The following TMEM255A variants were observed in gnomAD, a reference collection of about 807,000 sequenced individuals.
The protein encoded by TMEM255A is family with sequence similarity 70, member A.
Under a neutral mutation model 23.5 loss-of-function variants are expected in TMEM255A, and 14 were observed. The observed-to-expected ratio is 0.60, with a 90% CI of 0.39 to 0.93. The LOEUF (loss-of-function observed/expected upper bound fraction) is 0.93, where lower values mean the gene tolerates loss of function less well. TMEM255A is among the 40% of genes least tolerant of loss of function. The pLI is 0.00. For missense variants in TMEM255A, 233 were observed against 261.7 expected, an observed-to-expected ratio of 0.89 and a Z score of 0.76; for synonymous variants, 104 against 100.3, an observed-to-expected ratio of 1.04 and a Z score of -0.22.
At chrX:120,294,489 CA>C (rs1294132047) in intron 2 of TMEM255A, among the ~76,000 whole-genome samples, 1 of 110,232 alleles carries the variant, frequency 9.1e-6, no homozygotes, top group African/African-American at 3.3e-5. Flanking sequence ...GTTACTTACA[CA>C]AATACAGCAT....
At chrX:120,279,998 C>CTTTTTTTTTT (rs59428362) in intron 6 of TMEM255A, among the ~76,000 whole-genome samples, 52 of 38,197 alleles carry the variant, frequency 1.4e-3, no homozygotes, top group African/African-American at 2.8e-3. Flanking sequence ...CCTTTTCTTT[C>CTTTTTTTTTT]TTTTTTTTTT....
chrX:120,276,856 G>A (rs1556019872), intron 7 of TMEM255A, 29 bp downstream of exon 7: 1 of 1,199,014 alleles, frequency 8.3e-7, no homozygotes, highest in Non-Finnish European at 1.1e-6. Flanking sequence ...AGGGGCCACT[G>A]TGAAATGCAA....
intron 4 of TMEM255A, among the ~76,000 whole-genome samples, chrX:120,289,505 A>G (rs782347184): frequency 3.6e-5 from 4 of 112,179 alleles, no homozygotes; most frequent in Non-Finnish European, 7.5e-5. Context: ...GCTGGAATCA[A>G]AAAGTCAGAT....
downstream of TMEM255A, chrX:120,254,494 A>G: frequency 2.5e-6 from 3 of 1,211,950 alleles, no homozygotes; most frequent in Non-Finnish European, 2.2e-6. Flanking sequence ...CCACAGGCTG[A>G]TACCTCCCAA....
intron 1 of TMEM255A, among the ~76,000 whole-genome samples, chrX:120,307,000 G>T (rs1211756043): frequency 8.9e-6 from 1 of 112,270 alleles, no homozygotes; most frequent in Non-Finnish European, 1.9e-5. Context: ...AAAACTCTCT[G>T]ATCACCAGGT....
At chrX:120,279,998 C>CTTTTTTTTTTTTTTTTTTT (rs59428362) in intron 6 of TMEM255A, among the ~76,000 whole-genome samples, 7 of 38,226 alleles carry the variant, frequency 1.8e-4, no homozygotes, top group African/African-American at 3.3e-4. Flanking sequence ...CCTTTTCTTT[C>CTTTTTTTTTTTTTTTTTTT]TTTTTTTTTT....
At chrX:120,301,600 C>T (rs1479416799) in intron 2 of TMEM255A, among the ~76,000 whole-genome samples, 1 of 109,567 alleles carries the variant, frequency 9.1e-6, no homozygotes, top group African/African-American at 3.3e-5. Context: ...GGATTCTTTC[C>T]CCTCAGGTGG....
chrX:120,284,667 A>G (rs893217189), intron 6 of TMEM255A, among the ~76,000 whole-genome samples: 5 of 111,520 alleles, frequency 4.5e-5, no homozygotes, highest in Non-Finnish European at 9.4e-5. Context: ...CTACTAGAAT[A>G]TAAGCTCCAC....
downstream of TMEM255A, chrX:120,258,158 A>G (rs146524049): frequency 0.055 from 6,825 of 123,159 alleles, 207 homozygotes; most frequent in Non-Finnish European, 0.075. Flanking sequence ...AATGGTAAAC[A>G]CTGATCAAGG....
rs138279635 is a variant in TMEM255A, at chrX:120,260,930, C to T, written c.918G>A (p.Pro306=). ...SPSYMWSSSA[P]PRYSPPYYPP... is the part of the protein sequence containing the mutation. ...GATAGTAGGGTGGAGAGTAACGGGG[C>T]GGTGCACTTGAGGACCACATGTAGC... Residue 306 remains proline, a synonymous_variant, in exon 9 of 9, where the codon CCG becomes CCA. Coordinates refer to ENST00000371369, the MANE Select transcript of TMEM255A (RefSeq NM_001104544.3). The T allele has an allele frequency of 5.8e-5, 70 of 1,197,403 alleles. No homozygotes were observed. Among genetic ancestry groups the T allele is most frequent in the African/African-American group, 2.0e-4 (11 of 56,073 alleles).
rs782139212 is a variant in TMEM255A at position 120,268,171 on chromosome X, A to G, written c.819+73T>C. ...GACAATGGAAAGGTTCCATAATTGA[A>G]TTTAGGGAGAGAACAAGAGAGCATG... On this transcript the variant is annotated intron_variant, in intron 8 of 8. Coordinates refer to ENST00000371369, the MANE Select transcript of TMEM255A (RefSeq NM_001104544.3). 57 of 1,068,216 alleles carry G rather than the reference A, an allele frequency of 5.3e-5. No individual in the cohort carries two copies. In the South Asian group the frequency reaches 1.3e-3, roughly 24 times the overall value. The allele number at this position is 1,068,216 out of a possible 1,213,427, so 88.0% of individuals were successfully genotyped here. A position where few individuals can be genotyped will look rare whatever the true frequency, so the allele number is the denominator to read the frequency against.
intron 1 of TMEM255A, among the ~76,000 whole-genome samples, chrX:120,307,076 T>C (rs782054945): frequency 1.1e-4 from 12 of 112,407 alleles, no homozygotes; most frequent in Admixed American, 7.5e-4. Flanking sequence ...ATAAGGACCA[T>C]AATTGTGTAA....
intron 1 of TMEM255A, among the ~76,000 whole-genome samples, chrX:120,305,142 G>A (rs1306835667): frequency 1.8e-5 from 2 of 110,851 alleles, no homozygotes; most frequent in Non-Finnish European, 3.8e-5. Flanking sequence ...TAGGTGGGGA[G>A]GATTATAACT....
rs2057671020 is a variant in TMEM255A at position 120,260,574 on chromosome X, C to T, written c.*296G>A. On this transcript the variant is annotated 3_prime_UTR_variant, in exon 9 of 9. Transcript: ENST00000371369. ...AGTGAAAAAGATGGCAACCACACTT[C>T]TGCTGAATACAGAGGTGGAGCATAG... 4 of 225,972 alleles carry T rather than the reference C, an allele frequency of 1.8e-5. No individual in the cohort carries two copies. The highest frequency in any genetic ancestry group is 7.2e-5 in the Admixed American group (1 of 13,935). 18.6% of individuals were successfully genotyped at this position (225,972 alleles called of 1,213,427 possible). A position where few individuals can be genotyped will look rare whatever the true frequency, so the allele number is the denominator to read the frequency against.
chrX:120,304,610 T>G, intron 1 of TMEM255A, 119 bp from the exon 2 acceptor site: 3 of 743,832 alleles, frequency 4.0e-6, no homozygotes, highest in Non-Finnish European at 6.0e-6. Flanking sequence ...AAGTTATCTT[T>G]GGTGGTGACG....
chrX:120,260,564 A>C lies in TMEM255A; in HGVS notation c.*306T>G, dbSNP rs951824533. On this transcript the variant is annotated 3_prime_UTR_variant, in exon 9 of 9. Coordinates refer to ENST00000371369, the MANE Select transcript of TMEM255A (RefSeq NM_001104544.3). ...CTTTACATAAAGTGAAAAAGATGGC[A>C]ACCACACTTCTGCTGAATACAGAGG... The C allele has an allele frequency of 4.8e-6, 1 of 206,522 alleles. No individual in the cohort carries two copies. The highest frequency in any genetic ancestry group is 8.6e-6 in the Non-Finnish European group (1 of 115,875). 17.0% of individuals were successfully genotyped at this position (206,522 alleles called of 1,213,427 possible). A position where few individuals can be genotyped will look rare whatever the true frequency, so the allele number is the denominator to read the frequency against.
chrX:120,292,093 A>C (rs915634469), intron 3 of TMEM255A, among the ~76,000 whole-genome samples: 6 of 111,520 alleles, frequency 5.4e-5, no homozygotes, highest in Non-Finnish European at 1.1e-4. Context: ...CTCCTGCCTC[A>C]GCCTCCCAAA....
In TMEM255A at chrX:120,276,984, G is replaced by A; in HGVS notation, c.576C>T (p.Ile192=). ...YIDVSSCQDI[I]HLYHLLWSAT... ...CAGACCAGAGCAGGTGGTAGAGGTG[G>A]ATGATATCTTGGCAACTGCTGACAT... Residue 192 remains isoleucine, a synonymous_variant, in exon 7 of 9, where the codon ATC becomes ATT. Coordinates refer to ENST00000371369, the MANE Select transcript of TMEM255A (RefSeq NM_001104544.3). The A allele has an allele frequency of 8.3e-7, 1 of 1,210,735 alleles. No individual in the cohort carries two copies. Among genetic ancestry groups the A allele is most frequent in the Admixed American group, 2.2e-5 (1 of 46,045 alleles).
Position 120,298,785 on chromosome X carries a change from G to A in TMEM255A, c.202-4734C>T, listed in dbSNP as rs184715876. Among the ~76,000 whole-genome samples, 4 of 110,763 alleles carry A rather than the reference G, an allele frequency of 3.6e-5. No individual in the cohort carries two copies. The East Asian group carries it at 1.1e-3, about 31-fold the overall frequency. ...CAACCATGAATAGGAGGAATCTACA[G>A]TAGGGAGTTCAAAGATGTAGACACC... is the stretch of plus-strand genomic sequence containing the variant. On this transcript the variant is annotated intron_variant, in intron 2 of 8. Coordinates refer to ENST00000371369, the MANE Select transcript of TMEM255A (RefSeq NM_001104544.3).
Sources: allele counts gnomAD v4.1 joint callset (sites outside exome capture counted in the v4.1 genomes callset), GRCh38; gene constraint gnomAD v4.1.1; transcripts MANE v1.5; gene names NCBI Gene and HGNC (gene_info 2026-07-23, HGNC 2026-07-21).